Variants in KIAA0232 observed in about 807,000 individuals in gnomAD.
KIAA0232 encodes KIAA0232.
Under a neutral mutation model 122.0 loss-of-function variants are expected in KIAA0232, and 27 were observed. The observed-to-expected ratio is 0.22, with a 90% confidence interval of 0.16 to 0.31. The LOEUF (loss-of-function observed/expected upper bound fraction) is 0.31. Among genes scored for constraint, KIAA0232 ranks in the 10% least tolerant of loss-of-function variants. KIAA0232 has a pLI of 1.00. For synonymous variants in KIAA0232, 613 were observed against 587.6 expected, an observed-to-expected ratio of 1.04 and a Z score of -0.63; for missense variants, 1,551 against 1,634.2, an observed-to-expected ratio of 0.95 and a Z score of 0.88.
chr4:6,806,911 G>A (rs1717642037), intron 2 of KIAA0232, among the ~76,000 whole-genome samples: 1 of 151,650 alleles, frequency 6.6e-6, no homozygotes, highest in South Asian at 2.1e-4. Context: ...ACTAGATCTA[G>A]CTCTCATTTG....
At chr4:6,812,454 T>C (rs777225137) in intron 2 of KIAA0232, among the ~76,000 whole-genome samples, 93 of 152,062 alleles carry the variant, frequency 6.1e-4, no homozygotes, top group Non-Finnish European at 1.2e-3. Flanking sequence ...AAAGGCAGAA[T>C]ATGAAAGTAT....
intron 1 of KIAA0232, among the ~76,000 whole-genome samples, chr4:6,783,262 A>AC (rs1485756525): frequency 6.6e-6 from 1 of 151,584 alleles, no homozygotes; most frequent in Non-Finnish European, 1.5e-5. Flanking sequence ...GGGCCCTGGG[A>AC]CCCCCGCCCC....
intron 4 of KIAA0232, among the ~76,000 whole-genome samples, chr4:6,853,738 T>C (rs1355532856): frequency 1.3e-5 from 2 of 152,216 alleles, no homozygotes; most frequent in Non-Finnish European, 2.9e-5. Flanking sequence ...AAATTGCCTT[T>C]CTTTTACTTT....
chr4:6,859,280 C>T (rs1254347084), intron 6 of KIAA0232, among the ~76,000 whole-genome samples: 1 of 151,958 alleles, frequency 6.6e-6, no homozygotes, highest in Non-Finnish European at 1.5e-5. Flanking sequence ...AAATAATCTG[C>T]ATTATAAACA....
intron 3 of KIAA0232, among the ~76,000 whole-genome samples, chr4:6,832,418 G>T (rs1174329132): frequency 6.7e-6 from 1 of 148,722 alleles, no homozygotes; most frequent in African/African-American, 2.5e-5. Flanking sequence ...GCGTGATCTC[G>T]GCTCACTGCA....
At chr4:6,790,786 T>C (rs1370282435) in intron 1 of KIAA0232, among the ~76,000 whole-genome samples, 1 of 152,148 alleles carries the variant, frequency 6.6e-6, no homozygotes, top group African/African-American at 2.4e-5. Flanking sequence ...ATGTTTTTAA[T>C]TCTTTCTTTG....
chr4:6,801,346 G>A (rs1051422627), intron 1 of KIAA0232, among the ~76,000 whole-genome samples: 3 of 152,164 alleles, frequency 2.0e-5, no homozygotes, highest in African/African-American at 2.4e-5. Flanking sequence ...CCTTTGTTCA[G>A]TTCACCTTTG....
chr4:6,848,257 A>G (rs1720079898), intron 4 of KIAA0232, among the ~76,000 whole-genome samples: 1 of 152,210 alleles, frequency 6.6e-6, no homozygotes, highest in South Asian at 2.1e-4. Flanking sequence ...TGCATTATTT[A>G]TATGCTGTAC....
intron 1 of KIAA0232, among the ~76,000 whole-genome samples, chr4:6,800,035 C>CTTTCTTTCTTTTTT (rs1717309884): frequency 1.3e-5 from 1 of 78,742 alleles, no homozygotes; most frequent in Non-Finnish European, 2.7e-5. Context: ...TTCTTTCTTT[C>CTTTCTTTCTTTTTT]TTTCTTTCTT....
intron 4 of KIAA0232, among the ~76,000 whole-genome samples, chr4:6,848,118 A>G (rs1720068986): frequency 6.6e-6 from 1 of 152,230 alleles, no homozygotes; most frequent in Non-Finnish European, 1.5e-5. Context: ...AAAGAGCCTT[A>G]GAGGACTTAC....
At chr4:6,880,640 C>A (rs1484588207) in intron 9 of KIAA0232, 147 bp from the exon 10 acceptor site, 12 of 522,038 alleles carry the variant, frequency 2.3e-5, no homozygotes, top group Non-Finnish European at 3.7e-5. Flanking sequence ...GGCGGTTTTG[C>A]TCTGAAACAG....
intron 9 of KIAA0232, among the ~76,000 whole-genome samples, chr4:6,878,668 G>A (rs963074930): frequency 2.6e-5 from 4 of 152,020 alleles, no homozygotes; most frequent in South Asian, 4.2e-4. Flanking sequence ...GTTTTTTCCC[G>A]GTGGAGTGAC....
In KIAA0232 at chr4:6,862,304, G is replaced by T. The variant is rs932593208; in HGVS notation, c.1922G>T (p.Gly641Val). The change falls in exon 7 of 10, where the codon GGA becomes GTA. Residue 641 changes from glycine to valine, a missense_variant. By Grantham distance (109) the Gly-to-Val change is moderately radical. Around this residue, in one of 5 missense-constraint regions of KIAA0232, gnomAD observed 1,108 missense variants for 1,154.8 expected, o/e 0.96. Coordinates refer to ENST00000307659, the MANE Select transcript of KIAA0232 (RefSeq NM_014743.3). ...NQELFSDINE[G>V]SGINSCFSVF... Reference sequence around the variant, plus strand: ...GAGCTCTTTTCAGATATTAATGAAGGATCTGGTATAAACTCTTGTTTTTCA... The same window carrying T: ...GAGCTCTTTTCAGATATTAATGAAGTATCTGGTATAAACTCTTGTTTTTCA... 3.7e-6 allele frequency: 6 copies of T among 1,613,992 alleles called. No individual in the cohort carries two copies. The highest frequency in any genetic ancestry group is 1.3e-5 in the African/African-American group (1 of 74,908).
chr4:6,846,005 G>A (rs994523176), intron 4 of KIAA0232, among the ~76,000 whole-genome samples: 4 of 151,892 alleles, frequency 2.6e-5, no homozygotes, highest in East Asian at 1.9e-4. Context: ...TTGGGAAAAT[G>A]CTTTCCTTTG....
chr4:6,836,724 C>A (rs894875440), intron 3 of KIAA0232, among the ~76,000 whole-genome samples: 1 of 151,900 alleles, frequency 6.6e-6, no homozygotes, highest in African/African-American at 2.4e-5. Flanking sequence ...TCCCTGAGTA[C>A]GTGAGATTAG....
rs769739314 is a variant in KIAA0232 at position 6,864,004 on chromosome 4, A to G, written c.3622A>G (p.Asn1208Asp). ...TGGGATTCTTTCAGTAGGAAAGCAAAATCAGTGTTTGGAATGTAGCATGAA... is the reference window on the plus strand; with the variant it reads ...TGGGATTCTTTCAGTAGGAAAGCAAGATCAGTGTTTGGAATGTAGCATGAA... ...STGILSVGKQ[N>D]QCLECSMNES... is the part of the protein sequence containing the mutation. The change falls in exon 7 of 10, where the codon AAT (asparagine) becomes GAT (aspartate). Residue 1208 changes from asparagine to aspartate, a missense_variant. By Grantham distance (23) the Asn-to-Asp change is conservative. Transcript: ENST00000307659. 6.2e-7 allele frequency: 1 copy of G among 1,614,178 alleles called. No homozygotes were observed. The highest frequency in any genetic ancestry group is 8.5e-7 in the Non-Finnish European group (1 of 1,180,010).
At chr4:6,783,334 A>G (rs1465887711) in intron 1 of KIAA0232, among the ~76,000 whole-genome samples, 1 of 152,202 alleles carries the variant, frequency 6.6e-6, no homozygotes, top group African/African-American at 2.4e-5. Context: ...GTGGACGATG[A>G]GTCCGCACAA....
chr4:6,806,296 G>A (rs1717612561), intron 2 of KIAA0232, among the ~76,000 whole-genome samples: 1 of 152,106 alleles, frequency 6.6e-6, no homozygotes, highest in Non-Finnish European at 1.5e-5. Flanking sequence ...TAATATGGCA[G>A]TCCAGCTTTT....
chr4:6,871,231 G>A (rs1159444217), intron 7 of KIAA0232, among the ~76,000 whole-genome samples: 1 of 152,106 alleles, frequency 6.6e-6, no homozygotes. Context: ...CCAGGAGTTC[G>A]AGACCAGCCT....
Sources: gnomAD v4.1 joint callset for allele counts (sites outside exome capture counted in the v4.1 genomes callset) on GRCh38, gnomAD v4.1.1 for gene constraint, gnomAD v4.1.1 regional missense constraint, MANE v1.5 for transcripts, NCBI Gene and HGNC (gene_info 2026-07-23, HGNC 2026-07-21) for gene names.